The following RBFOX1 variants were observed in gnomAD, a reference collection of about 807,000 sequenced individuals.
The protein encoded by RBFOX1 is RNA binding fox-1 homolog 1.
A neutral mutation model predicts 57.7 loss-of-function variants in RBFOX1; 8 were observed. The observed-to-expected ratio is 0.14, with a 90% confidence interval of 0.08 to 0.25. The LOEUF (loss-of-function observed/expected upper bound fraction) is 0.25, where lower values mean the gene tolerates loss of function less well. Ranked by LOEUF, RBFOX1 falls within the 10% of genes least tolerant of loss-of-function variation. The probability of loss-of-function intolerance (pLI) is 1.00; values close to 1 mark genes in which losing one functional copy is unlikely to be tolerated. For missense variants in RBFOX1, 611 were observed against 548.5 expected (o/e 1.11, Z -1.14); for synonymous variants, 326 against 222.4 (o/e 1.47, Z -4.15).
intron 3 of RBFOX1, among the ~76,000 whole-genome samples, chr16:5,605,931 C>G (rs879804882): frequency 6.6e-6 from 1 of 152,122 alleles, no homozygotes; most frequent in South Asian, 2.1e-4. Context: ...ATCATGGAAC[C>G]CATAAGCTGG....
chr16:7,449,726 G>T (rs1418895411), intron 4 of RBFOX1, among the ~76,000 whole-genome samples: 1 of 95,910 alleles, frequency 1.0e-5, no homozygotes, highest in Non-Finnish European at 2.1e-5. Context: ...GTGTGTGTGT[G>T]TGTGGGGGGG....
rs2060044702 is a variant in RBFOX1 at position 5,975,523 on chromosome 16, T to A, written c.351+108188T>A. ...TTGCTTGGCATTTGAAACTTTAGGG[T>A]CCAGATTTTTCCCCTTTATAAGCTG... On this transcript the variant is annotated intron_variant, in intron 4 of 19. Coordinates refer to the RBFOX1 transcript ENST00000641259. 2.0e-5 allele frequency among the ~76,000 whole-genome samples: 3 copies of A among 152,186 alleles called. No individual in the cohort carries two copies. In the South Asian group the frequency reaches 6.2e-4, roughly 32 times the overall value.
intron 7 of RBFOX1, among the ~76,000 whole-genome samples, chr16:7,587,954 G>C (rs2094215832): frequency 6.6e-6 from 1 of 152,182 alleles, no homozygotes; most frequent in African/African-American, 2.4e-5. Flanking sequence ...TGAGGTGGGT[G>C]GATCACCTGA....
intron 3 of RBFOX1, among the ~76,000 whole-genome samples, chr16:6,832,032 G>A (rs985168177): frequency 6.6e-6 from 1 of 152,172 alleles, no homozygotes; most frequent in African/African-American, 2.4e-5. Context: ...GGAATTCATT[G>A]ACAGCCTGCA....
At chr16:5,589,119 G>A (rs952914612) in intron 2 of RBFOX1, among the ~76,000 whole-genome samples, 2 of 152,180 alleles carry the variant, frequency 1.3e-5, no homozygotes, top group African/African-American at 2.4e-5. Context: ...TATGGGAGAT[G>A]TTGTAAAGAT....
At chr16:7,696,442 G>C (rs2078818469) in intron 14 of RBFOX1, among the ~76,000 whole-genome samples, 1 of 150,956 alleles carries the variant, frequency 6.6e-6, no homozygotes. Flanking sequence ...TGATTCATTA[G>C]GAATTTTCCA....
rs563298712 is a variant in RBFOX1, at chr16:6,925,391, C to T, written c.-15-126666C>T. ...CTACCTGCCTTGGTCTCCGAACGTG[C>T]CGGGATTATAGGAGTGAGCCACTGC... On this transcript the variant is annotated intron_variant, in intron 3 of 15. Transcript: ENST00000550418. Among the ~76,000 whole-genome samples the T allele has an allele frequency of 1.5e-3, 231 of 151,786 alleles. 1 individual carries two copies. The highest frequency in any genetic ancestry group is 2.4e-3 in the Non-Finnish European group (162 of 67,962).
chr16:7,401,133 A>C (rs896124659), intron 4 of RBFOX1, among the ~76,000 whole-genome samples: 1 of 152,246 alleles, frequency 6.6e-6, no homozygotes, highest in Non-Finnish European at 1.5e-5. Context: ...TAGAAAATCC[A>C]GAAGATCTAA....
At chr16:7,399,383 G>T (rs1386267362) in intron 4 of RBFOX1, among the ~76,000 whole-genome samples, 1 of 152,122 alleles carries the variant, frequency 6.6e-6, no homozygotes, top group Admixed American at 6.5e-5. Context: ...GGAGGCAGAG[G>T]TTGCAGTGAG....
rs1347810725 is a variant in RBFOX1 at position 6,654,659 on chromosome 16, A to G, written c.-16+9A>G. On this transcript the variant is annotated intron_variant, in intron 3 of 15. Transcript: ENST00000550418. ...AAATAGAAGACAGAAAGGTGAGTCA[A>G]TATTTTTCATTTTTAGGGTTGCAAA... The G allele has an allele frequency of 1.1e-5, 16 of 1,506,760 alleles. No homozygotes were observed. Among genetic ancestry groups the G allele is most frequent in the East Asian group, 5.0e-5 (2 of 39,616 alleles). The allele number at this position is 1,506,760 out of a possible 1,614,324, so 93.3% of individuals were successfully genotyped here. A position where few individuals can be genotyped will look rare whatever the true frequency, so the allele number is the denominator to read the frequency against.
At chr16:6,139,824 T>C (rs1379903501) in intron 1 of RBFOX1, among the ~76,000 whole-genome samples, 7 of 151,124 alleles carry the variant, frequency 4.6e-5, no homozygotes, top group African/African-American at 1.7e-4. Flanking sequence ...CCAAATGCCA[T>C]GTCAGTGATT....
intron 1 of RBFOX1, among the ~76,000 whole-genome samples, chr16:6,291,223 G>T (rs1971034): frequency 0.98 from 149,334 of 152,198 alleles, 73,334 homozygotes; most frequent in East Asian, 1. Context: ...TCTTATCTCA[G>T]CCTGTGAATT....
At chr16:5,521,929 T>C (rs924343183) in intron 2 of RBFOX1, among the ~76,000 whole-genome samples, 1 of 152,176 alleles carries the variant, frequency 6.6e-6, no homozygotes, top group Admixed American at 6.6e-5. Context: ...GGGGATGCCC[T>C]GGAGGAGTCA....
chr16:7,156,081 A>G (rs945688107), intron 4 of RBFOX1, among the ~76,000 whole-genome samples: 1 of 152,036 alleles, frequency 6.6e-6, no homozygotes, highest in Admixed American at 6.6e-5. Flanking sequence ...CATGTTGCTC[A>G]GGGTGGTCTC....
chr16:7,141,487 G>C (rs1481613629), intron 4 of RBFOX1, among the ~76,000 whole-genome samples: 1 of 152,142 alleles, frequency 6.6e-6, no homozygotes, highest in African/African-American at 2.4e-5. Flanking sequence ...GTCAATGAGA[G>C]CATAAAGCAC....
At chr16:6,321,141 A>G (rs1038812751) in intron 2 of RBFOX1, among the ~76,000 whole-genome samples, 23 of 152,216 alleles carry the variant, frequency 1.5e-4, no homozygotes, top group African/African-American at 5.5e-4. Context: ...ATAATTGCAC[A>G]TATTCATGGG....
At chr16:5,644,454 G>C (rs972254786) in intron 3 of RBFOX1, among the ~76,000 whole-genome samples, 2 of 152,182 alleles carry the variant, frequency 1.3e-5, no homozygotes, top group African/African-American at 2.4e-5. Flanking sequence ...GGCTCCAGAT[G>C]GGTTGAAGTT....
chr16:5,606,204 A>G (rs74004410), intron 3 of RBFOX1, among the ~76,000 whole-genome samples: 2,572 of 152,126 alleles, frequency 0.017, 75 homozygotes, highest in African/African-American at 0.057. Flanking sequence ...TTGGGATACT[A>G]TCTGGTGGCT....
intron 3 of RBFOX1, among the ~76,000 whole-genome samples, chr16:6,902,886 GCTC>G (rs1278015420): frequency 6.6e-6 from 1 of 152,132 alleles, no homozygotes; most frequent in African/African-American, 2.4e-5. Flanking sequence ...CATTGACTAA[GCTC>G]CTACTTTAGG....
Sources: gnomAD v4.1 joint callset for allele counts (sites outside exome capture counted in the v4.1 genomes callset) on GRCh38, gnomAD v4.1.1 for gene constraint, MANE v1.5 for transcripts, NCBI Gene and HGNC (gene_info 2026-07-23, HGNC 2026-07-21) for gene names.